SNTB2: variants seen among roughly 807,000 people sequenced by gnomAD.
The protein encoded by SNTB2 is beta-2-syntrophin.
Under a neutral mutation model 46.2 loss-of-function variants are expected in SNTB2, and 34 were observed. The observed-to-expected ratio is 0.74, with a 90% confidence interval of 0.56 to 0.98. The LOEUF (loss-of-function observed/expected upper bound fraction) is 0.98, where lower values mean the gene tolerates loss of function less well. SNTB2 is among the 50% of genes least tolerant of loss of function. SNTB2 has a pLI of 0.00. For synonymous variants in SNTB2, 290 were observed against 312.6 expected (o/e 0.93, Z 0.76); for missense variants, 603 against 731.4 (o/e 0.82, Z 2.02).
intron 2 of SNTB2, among the ~76,000 whole-genome samples, chr16:69,258,266 T>C (rs1327536103): frequency 6.6e-6 from 1 of 152,182 alleles, no homozygotes; most frequent in Non-Finnish European, 1.5e-5. Context: ...TTAAAAGATA[T>C]ATATGTTCAC....
chr16:69,212,003 C>T (rs1439164203), intron 1 of SNTB2, among the ~76,000 whole-genome samples: 1 of 152,194 alleles, frequency 6.6e-6, no homozygotes, highest in Non-Finnish European at 1.5e-5. Context: ...TAATCCCTAA[C>T]AGCCAAGACT....
At chr16:69,224,414 T>C (rs1964438872) in intron 1 of SNTB2, among the ~76,000 whole-genome samples, 1 of 152,124 alleles carries the variant, frequency 6.6e-6, no homozygotes, top group African/African-American at 2.4e-5. Flanking sequence ...GGTTTCACCA[T>C]GTTGGCCAGG....
chr16:69,219,026 G>A (rs1014195135), intron 1 of SNTB2, among the ~76,000 whole-genome samples: 11 of 152,180 alleles, frequency 7.2e-5, no homozygotes, highest in African/African-American at 2.2e-4. Context: ...ATGGTTACCA[G>A]TAACTGCAAG....
intron 5 of SNTB2, among the ~76,000 whole-genome samples, chr16:69,284,884 G>T (rs1965087285): frequency 2.6e-5 from 4 of 152,076 alleles, no homozygotes; most frequent in Admixed American, 2.6e-4. Context: ...CTCCAGCCTG[G>T]GCAACCAGAG....
At chr16:69,278,889 A>AGTGTGTGT (rs71148981) in intron 4 of SNTB2, among the ~76,000 whole-genome samples, 2,068 of 140,970 alleles carry the variant, frequency 0.015, 27 homozygotes, top group African/African-American at 0.029. Flanking sequence ...AGGTGGGAAG[A>AGTGTGTGT]GTGTGTGTGT....
chr16:69,219,990 T>TCTGC (rs991690265), intron 1 of SNTB2, among the ~76,000 whole-genome samples: 2 of 151,544 alleles, frequency 1.3e-5, no homozygotes, highest in Non-Finnish European at 1.5e-5. Flanking sequence ...GACCTCATGA[T>TCTGC]CTGCCTGCCT....
At chr16:69,193,549 A>G (rs1260032963) in intron 1 of SNTB2, among the ~76,000 whole-genome samples, 3 of 151,504 alleles carry the variant, frequency 2.0e-5, no homozygotes, top group Non-Finnish European at 1.5e-5. Context: ...GGCTGGTCTC[A>G]AACTCCTGAC....
At chr16:69,248,149 T>C (rs1964688885) in intron 2 of SNTB2, among the ~76,000 whole-genome samples, 1 of 152,160 alleles carries the variant, frequency 6.6e-6, no homozygotes, top group Non-Finnish European at 1.5e-5. Flanking sequence ...CTGACTACTA[T>C]GTAAACACAT....
chr16:69,273,751 T>C (rs1398394263), intron 4 of SNTB2, among the ~76,000 whole-genome samples: 1 of 152,154 alleles, frequency 6.6e-6, no homozygotes, highest in Non-Finnish European at 1.5e-5. Flanking sequence ...CCAACAAGAT[T>C]GAAAAGAGAG....
At chr16:69,201,283 C>G (rs951743198) in intron 1 of SNTB2, among the ~76,000 whole-genome samples, 2 of 152,102 alleles carry the variant, frequency 1.3e-5, no homozygotes, top group African/African-American at 4.8e-5. Flanking sequence ...AGAAGGACTC[C>G]TCATTAACAC....
intron 4 of SNTB2, among the ~76,000 whole-genome samples, chr16:69,274,160 A>C (rs1964963793): frequency 6.6e-6 from 1 of 151,640 alleles, no homozygotes. Flanking sequence ...AAAAATACAA[A>C]AATTAGCCCA....
intron 1 of SNTB2, among the ~76,000 whole-genome samples, chr16:69,199,097 G>T (rs1254626381): frequency 2.0e-5 from 3 of 152,010 alleles, no homozygotes; most frequent in African/African-American, 7.2e-5. Context: ...GTTTCTCCGT[G>T]TTGGTTAGGT....
At chr16:69,261,498 C>A (rs1187615400) in intron 3 of SNTB2, among the ~76,000 whole-genome samples, 3 of 151,440 alleles carry the variant, frequency 2.0e-5, no homozygotes, top group Non-Finnish European at 2.9e-5. Flanking sequence ...CACTTCTCAA[C>A]TTTTTATGAA....
chr16:69,192,781 T>G (rs1182902192), intron 1 of SNTB2, among the ~76,000 whole-genome samples: 1 of 152,218 alleles, frequency 6.6e-6, no homozygotes, highest in Non-Finnish European at 1.5e-5. Context: ...CGTGAAATAA[T>G]TTTATATATG....
intron 6 of SNTB2, 62 bp downstream of exon 6, chr16:69,299,836 C>T (rs1184517180): frequency 8.0e-6 from 12 of 1,493,292 alleles, no homozygotes; most frequent in Middle Eastern, 1.8e-4. Context: ...CTCATTACTT[C>T]TTACCCCTTA....
intron 1 of SNTB2, among the ~76,000 whole-genome samples, chr16:69,231,290 T>G (rs1964503560): frequency 6.6e-6 from 1 of 152,064 alleles, no homozygotes; most frequent in Non-Finnish European, 1.5e-5. Context: ...AGAATTGACT[T>G]TTAAAAAAGA....
chr16:69,213,576 T>C (rs1465588889), intron 1 of SNTB2, among the ~76,000 whole-genome samples: 4 of 152,060 alleles, frequency 2.6e-5, no homozygotes, highest in Non-Finnish European at 5.9e-5. Flanking sequence ...CTTGGCTCAC[T>C]GCAGCCTCTG....
At chr16:69,197,952 G>A (rs1424738528) in intron 1 of SNTB2, among the ~76,000 whole-genome samples, 1 of 151,962 alleles carries the variant, frequency 6.6e-6, no homozygotes, top group Non-Finnish European at 1.5e-5. Flanking sequence ...TGAACACAAA[G>A]TAATTGAAAA....
At position 69,294,834 on chromosome 16, in the gene SNTB2, G is replaced by A. The variant is rs767003522; in HGVS notation, c.1346-4756G>A. On this transcript the variant is annotated intron_variant, in intron 5 of 6. Transcript: ENST00000336278. ...TAGTTTTTGATTTTTTTTTTTTTTC[G>A]CTCTGTCACTCGGGCTGGAGGGCTG... Among the ~76,000 whole-genome samples the A allele has an allele frequency of 2.1e-5, 3 of 141,652 alleles. No homozygotes were observed. In the Admixed American group the frequency reaches 2.2e-4, roughly 10 times the overall value. 92.9% of individuals were successfully genotyped at this position (141,652 alleles called of 152,430 possible). A position where few individuals can be genotyped will look rare whatever the true frequency, so the allele number is the denominator to read the frequency against.
Sources: allele counts gnomAD v4.1 joint callset (sites outside exome capture counted in the v4.1 genomes callset), GRCh38; gene constraint gnomAD v4.1.1; transcripts MANE v1.5; gene names NCBI Gene and HGNC (gene_info 2026-07-23, HGNC 2026-07-21).